Variants in OPHN1 observed in about 807,000 individuals in gnomAD.
The protein encoded by OPHN1 is oligophrenin 1.
Under a neutral mutation model 60.7 loss-of-function variants are expected in OPHN1, and 11 were observed. The observed-to-expected ratio is 0.18, with a 90% CI of 0.11 to 0.30. OPHN1 has a LOEUF of 0.30. Among genes scored for constraint, OPHN1 ranks in the 10% least tolerant of loss-of-function variants. The pLI, the probability that OPHN1 is intolerant of heterozygous loss-of-function variation, is 1.00. For missense variants in OPHN1, 449 were observed against 611.0 expected, an observed-to-expected ratio of 0.73 and a Z score of 2.80; for synonymous variants, 226 against 222.6, an observed-to-expected ratio of 1.02 and a Z score of -0.14.
intron 15 of OPHN1, among the ~76,000 whole-genome samples, chrX:68,182,504 G>C (rs1602218017): frequency 9.0e-6 from 1 of 111,025 alleles, no homozygotes; most frequent in African/African-American, 3.3e-5. Flanking sequence ...AAATCTAAGA[G>C]GTATGGGTTG....
At chrX:68,253,931 A>G (rs1407987648) in intron 5 of OPHN1, among the ~76,000 whole-genome samples, 2 of 111,964 alleles carry the variant, frequency 1.8e-5, no homozygotes, top group African/African-American at 6.5e-5. Context: ...CAATTGTCCT[A>G]CACATTCCGT....
chrX:68,235,009 A>G (rs1442031080), intron 5 of OPHN1, among the ~76,000 whole-genome samples: 5 of 112,589 alleles, frequency 4.4e-5, no homozygotes, highest in Non-Finnish European at 7.5e-5. Flanking sequence ...CAATGCACTT[A>G]GACAGCTAAT....
intron 19 of OPHN1, among the ~76,000 whole-genome samples, chrX:68,094,527 T>C (rs932853790): frequency 5.4e-5 from 6 of 111,870 alleles, no homozygotes; most frequent in African/African-American, 1.9e-4. Flanking sequence ...CTTTATCATG[T>C]TGAGTCTTCC....
intron 5 of OPHN1, among the ~76,000 whole-genome samples, chrX:68,273,166 T>TGAGTA (rs1307175078): frequency 9.0e-6 from 1 of 111,729 alleles, no homozygotes; most frequent in East Asian, 2.8e-4. Flanking sequence ...ATACCAGCAC[T>TGAGTA]TTGGGAGGCT....
intron 2 of OPHN1, among the ~76,000 whole-genome samples, chrX:68,374,500 G>A (rs1569295551): frequency 9.0e-6 from 1 of 110,807 alleles, no homozygotes. Flanking sequence ...CACCCAGGCT[G>A]GAGTGCAGTG....
At chrX:68,370,436 G>T (rs1284084556) in intron 2 of OPHN1, among the ~76,000 whole-genome samples, 4 of 109,054 alleles carry the variant, frequency 3.7e-5, no homozygotes, top group Non-Finnish European at 7.6e-5. Context: ...GAACCGGGGA[G>T]GTGGAGGTTT....
intron 2 of OPHN1, among the ~76,000 whole-genome samples, chrX:68,341,663 G>A (rs1331967881): frequency 1.8e-5 from 2 of 109,919 alleles, no homozygotes; most frequent in African/African-American, 6.6e-5. Context: ...GGGAAACCCC[G>A]TCTCTACAAA....
chrX:68,165,900 C>T (rs908946618), intron 15 of OPHN1, among the ~76,000 whole-genome samples: 1 of 112,002 alleles, frequency 8.9e-6, no homozygotes, highest in African/African-American at 3.2e-5. Context: ...TCAAAAACTA[C>T]ATTTATAAGT....
At chrX:68,052,414 TGACA>T in intron 23 of OPHN1, 122 bp downstream of exon 23, 3 of 629,846 alleles carry the variant, frequency 4.8e-6, no homozygotes, top group Non-Finnish European at 5.2e-6. Context: ...GAAGAGAAAG[TGACA>T]GACAGAGACA....
intron 24 of OPHN1, among the ~76,000 whole-genome samples, chrX:68,048,032 C>T (rs932601156): frequency 2.7e-5 from 3 of 111,135 alleles, no homozygotes; most frequent in East Asian, 2.8e-4. Context: ...CTTAAAGGCC[C>T]GAGAGGTGTC....
chrX:68,305,628 A>G (rs766792229), intron 2 of OPHN1, among the ~76,000 whole-genome samples: 6 of 112,357 alleles, frequency 5.3e-5, no homozygotes, highest in Non-Finnish European at 9.4e-5. Flanking sequence ...GCATATCCCA[A>G]TTCACACAAT....
chrX:68,183,858 C>T (rs780521336), intron 15 of OPHN1, among the ~76,000 whole-genome samples: 13 of 111,894 alleles, frequency 1.2e-4, no homozygotes, highest in Admixed American at 5.7e-4. Flanking sequence ...TAAGAACTTA[C>T]GAGAGTTGAA....
chrX:68,257,467 G>A (rs1045090243), intron 5 of OPHN1, among the ~76,000 whole-genome samples: 3 of 111,708 alleles, frequency 2.7e-5, no homozygotes, highest in African/African-American at 9.8e-5. Context: ...GAACAAGTAG[G>A]TCATCCTCTC....
rs762728696 is a variant in OPHN1 at position 68,368,419 on chromosome X, G to A, written c.154+64448C>T. On this transcript the variant is annotated intron_variant, in intron 2 of 24. Coordinates refer to ENST00000355520, the MANE Select transcript of OPHN1 (RefSeq NM_002547.3). ...TAGCTGGACATGGTGTTGTGCACCC[G>A]TAGTTCCAGCTATTCATGAGGCTGA... 1.2e-4 allele frequency among the ~76,000 whole-genome samples: 13 copies of A among 111,030 alleles called. No homozygotes were observed. In the South Asian group the frequency reaches 2.3e-3, roughly 20 times the overall value.
Position 68,209,639 on chromosome X carries a change from G to T in OPHN1, c.832+514C>A, listed in dbSNP as rs895285000. ...ATATAGGGTACTATAGTAGGATCAT[G>T]GGCTTTGGCATTTCATAGACCTGAA... On this transcript the variant is annotated intron_variant, in intron 9 of 24. Transcript: ENST00000355520. Among the ~76,000 whole-genome samples, 10 of 111,855 alleles carry T rather than the reference G, an allele frequency of 8.9e-5. No individual in the cohort carries two copies. The Admixed American group carries it at 9.5e-4, about 11-fold the overall frequency.
intron 2 of OPHN1, among the ~76,000 whole-genome samples, chrX:68,363,785 A>G (rs1057016288): frequency 1.3e-4 from 15 of 111,312 alleles, no homozygotes; most frequent in Non-Finnish European, 1.9e-4. Flanking sequence ...ATATATGGGT[A>G]TAATGACATA....
intron 19 of OPHN1, among the ~76,000 whole-genome samples, chrX:68,095,731 G>T (rs1047717446): frequency 1.8e-5 from 2 of 111,164 alleles, no homozygotes; most frequent in African/African-American, 6.5e-5. Context: ...GCCTCCCTGT[G>T]CTTCTTTATT....
intron 2 of OPHN1, among the ~76,000 whole-genome samples, chrX:68,432,092 G>C (rs1016866228): frequency 9.0e-6 from 1 of 110,813 alleles, no homozygotes; most frequent in Non-Finnish European, 1.9e-5. Flanking sequence ...GGGGGAAGGA[G>C]AGAGCTTCCC....
intron 6 of OPHN1, among the ~76,000 whole-genome samples, chrX:68,218,627 A>T (rs1218998979): frequency 9.2e-6 from 1 of 109,279 alleles, no homozygotes; most frequent in Admixed American, 9.8e-5. Context: ...CCAATATTCA[A>T]CATTCTTAAA....
Sources: gnomAD v4.1 joint callset for allele counts (sites outside exome capture counted in the v4.1 genomes callset) on GRCh38, gnomAD v4.1.1 for gene constraint, MANE v1.5 for transcripts, NCBI Gene and HGNC (gene_info 2026-07-23, HGNC 2026-07-21) for gene names.